Variants in HMGN3 observed in about 807,000 individuals in gnomAD.
HMGN3 encodes high mobility group nucleosome-binding domain-containing protein 3.
HMGN3 carries 6 observed loss-of-function variants against 18.8 expected under a neutral mutation model. The observed-to-expected ratio is 0.32, with a 90% CI of 0.18 to 0.63. The LOEUF is 0.63. Among genes scored for constraint, HMGN3 ranks in the 30% least tolerant of loss-of-function variants. The probability of loss-of-function intolerance (pLI) is 0.79; values close to 1 mark genes in which losing one functional copy is unlikely to be tolerated. For missense variants in HMGN3, 107 were observed against 114.2 expected (o/e 0.94, Z 0.29); for synonymous variants, 40 against 36.5 (o/e 1.10, Z -0.35).
intron 1 of HMGN3, among the ~76,000 whole-genome samples, chr6:79,223,866 G>C (rs1420230597): frequency 1.3e-5 from 2 of 151,870 alleles, no homozygotes; most frequent in African/African-American, 4.8e-5. Flanking sequence ...TTCTTCACCA[G>C]TAAAACTAGT....
At position 79,226,835 on chromosome 6, in the gene HMGN3, A is replaced by G. The variant is rs1371481755; in HGVS notation, c.15+7711T>C. Among the ~76,000 whole-genome samples, 5 of 152,162 alleles carry G rather than the reference A, an allele frequency of 3.3e-5. 1 individual carries two copies. Among genetic ancestry groups the G allele is most frequent in the Admixed American group, 1.3e-4 (2 of 15,274 alleles). On this transcript the variant is annotated intron_variant, in intron 1 of 5. Transcript: ENST00000344726. ...TATGTATTTGCCTTGGGCATATCTC[A>G]ATAGCCCTGTTTCTGGATATGCCCA...
chr6:79,206,389 C>G (rs1483455502), intron 3 of HMGN3, among the ~76,000 whole-genome samples: 1 of 152,138 alleles, frequency 6.6e-6, no homozygotes, highest in African/African-American at 2.4e-5. Context: ...GACTTGGTGC[C>G]CTGTCTCCCA....
At chr6:79,225,488 T>A (rs1338275305) in intron 1 of HMGN3, among the ~76,000 whole-genome samples, 1 of 152,164 alleles carries the variant, frequency 6.6e-6, no homozygotes, top group Non-Finnish European at 1.5e-5. Flanking sequence ...CAAAAGCATC[T>A]ACTTATTTTT....
rs143739748 is a variant in HMGN3 at position 79,208,724 on chromosome 6, A to G, written c.67-148T>C. On this transcript the variant is annotated intron_variant, in intron 2 of 5. Coordinates refer to ENST00000344726, the Ensembl canonical transcript of HMGN3. ...ACCTTCTCCAGGTAAGCACAGTGAAACATATCCCAAGTCCCCTGGGCACGA... is the reference window on the plus strand; with the variant it reads ...ACCTTCTCCAGGTAAGCACAGTGAAGCATATCCCAAGTCCCCTGGGCACGA... 1.2e-4 allele frequency: 83 copies of G among 719,252 alleles called. No homozygotes were observed. In the African/African-American group the frequency reaches 1.4e-3, roughly 12 times the overall value. The allele number at this position is 719,252 out of a possible 1,614,324, so 44.6% of individuals were successfully genotyped here.
chr6:79,234,570 G>A (rs1458540829), exon 1 of HMGN3: 1 of 1,611,954 alleles, frequency 6.2e-7, no homozygotes, highest in Non-Finnish European at 8.5e-7. Flanking sequence ...TAATGACTAT[G>A]TCGGTGAAGC....
intron 1 of HMGN3, among the ~76,000 whole-genome samples, chr6:79,229,709 A>G (rs181622305): frequency 3.4e-4 from 51 of 152,186 alleles, no homozygotes; most frequent in African/African-American, 1.1e-3. Flanking sequence ...AACCCCGTGT[A>G]TACTAAAAAT....
chr6:79,202,076 A>G (rs767858236), intron 5 of HMGN3: 2 of 1,537,726 alleles, frequency 1.3e-6, no homozygotes, highest in Non-Finnish European at 1.7e-6. Flanking sequence ...CACTGTTTCA[A>G]TCTGCCCCTT....
chr6:79,203,655 A>C lies in HMGN3; in HGVS notation c.97-25T>G. The C allele has an allele frequency of 2.1e-6, 3 of 1,442,560 alleles. No homozygotes were observed. In the Admixed American group the frequency reaches 7.1e-5, roughly 34 times the overall value. The allele number at this position is 1,442,560 out of a possible 1,614,324, so 89.4% of individuals were successfully genotyped here. A position where few individuals can be genotyped will look rare whatever the true frequency, so the allele number is the denominator to read the frequency against. ...TCTGCAAAGATAATTTAAATTACAC[A>C]AATACTGAAAAAAAAAAAAAACTAT... On this transcript the variant is annotated intron_variant, in intron 3 of 5. Coordinates refer to ENST00000344726, the Ensembl canonical transcript of HMGN3.
At chr6:79,210,550 A>G (rs531851137) in intron 2 of HMGN3, among the ~76,000 whole-genome samples, 24 of 152,244 alleles carry the variant, frequency 1.6e-4, no homozygotes, top group African/African-American at 5.8e-4. Context: ...TATGGCTCCA[A>G]TATGTAGCAG....
chr6:79,222,265 G>A (rs903587674), intron 1 of HMGN3, among the ~76,000 whole-genome samples: 1 of 151,166 alleles, frequency 6.6e-6, no homozygotes, highest in Non-Finnish European at 1.5e-5. Context: ...TACTTTTATT[G>A]TTTTTTTTCA....
At chr6:79,231,067 G>A (rs1777815190) in intron 1 of HMGN3, among the ~76,000 whole-genome samples, 1 of 152,148 alleles carries the variant, frequency 6.6e-6, no homozygotes, top group African/African-American at 2.4e-5. Context: ...AGACATGACT[G>A]CTTACATGCC....
chr6:79,208,155 C>A (rs1043783194), intron 3 of HMGN3, among the ~76,000 whole-genome samples: 7 of 152,188 alleles, frequency 4.6e-5, no homozygotes, highest in African/African-American at 1.2e-4. Flanking sequence ...TGGACTCAGA[C>A]AACTTTCAGA....
chr6:79,228,153 C>G (rs1409152381), intron 1 of HMGN3, among the ~76,000 whole-genome samples: 1 of 152,150 alleles, frequency 6.6e-6, no homozygotes, highest in Non-Finnish European at 1.5e-5. Context: ...CATAGCTTCT[C>G]TTGTGGCTCA....
chr6:79,214,411 C>G (rs982997218), intron 2 of HMGN3, among the ~76,000 whole-genome samples: 1 of 152,044 alleles, frequency 6.6e-6, no homozygotes. Flanking sequence ...CCGTGTTAGC[C>G]AGGATGGTCT....
intron 1 of HMGN3, among the ~76,000 whole-genome samples, chr6:79,216,443 T>C (rs976307527): frequency 6.6e-6 from 1 of 152,144 alleles, no homozygotes; most frequent in Non-Finnish European, 1.5e-5. Flanking sequence ...GTCCTAAGTA[T>C]ATATAAAAGT....
At chr6:79,232,890 C>T (rs770480332) in intron 1 of HMGN3, among the ~76,000 whole-genome samples, 3 of 152,180 alleles carry the variant, frequency 2.0e-5, no homozygotes, top group Non-Finnish European at 2.9e-5. Flanking sequence ...AGTCAAAATG[C>T]TGAAAATGGT....
intron 1 of HMGN3, among the ~76,000 whole-genome samples, chr6:79,221,455 A>T (rs1469946881): frequency 1.3e-5 from 2 of 152,236 alleles, no homozygotes; most frequent in Non-Finnish European, 2.9e-5. Context: ...ATTTTCCTTA[A>T]GTCTTTCCAG....
chr6:79,225,192 A>T (rs560512957), intron 1 of HMGN3, among the ~76,000 whole-genome samples: 7 of 152,340 alleles, frequency 4.6e-5, no homozygotes, highest in Non-Finnish European at 8.8e-5. Flanking sequence ...GTCCAATATT[A>T]TAAAAACATC....
rs565368224 is a variant in HMGN3, at chr6:79,214,286, C to A, written c.66+686G>T. Among the ~76,000 whole-genome samples the A allele has an allele frequency of 5.9e-5, 9 of 151,484 alleles. No individual in the cohort carries two copies. The East Asian group carries it at 1.7e-3, about 29-fold the overall frequency. ...GTGTGATCTCGGCTCACTGCAACCT[C>A]CACCTCCCAGGTTCACACCATTCTC... On this transcript the variant is annotated intron_variant, in intron 2 of 5. Transcript: ENST00000344726.
Sources: gnomAD v4.1 joint callset for allele counts (sites outside exome capture counted in the v4.1 genomes callset) on GRCh38, gnomAD v4.1.1 for gene constraint, MANE v1.5 for transcripts, NCBI Gene and HGNC (gene_info 2026-07-23, HGNC 2026-07-21) for gene names.